CDH18: variants seen among roughly 807,000 people sequenced by gnomAD.
CDH18 encodes cadherin 18.
CDH18 carries 31 observed loss-of-function variants against 67.9 expected under a neutral mutation model. The observed-to-expected ratio is 0.46, with a 90% CI of 0.34 to 0.62. The LOEUF is 0.62. CDH18 is among the 20% of genes least tolerant of loss of function. The pLI is 0.01. For synonymous variants in CDH18, 362 were observed against 347.2 expected (o/e 1.04, Z -0.48); for missense variants, 890 against 975.5 (o/e 0.91, Z 1.17).
At chr5:19,867,335 G>A (rs1031262019) in intron 2 of CDH18, among the ~76,000 whole-genome samples, 1 of 151,938 alleles carries the variant, frequency 6.6e-6, no homozygotes, top group African/African-American at 2.4e-5. Flanking sequence ...CTGACATAAA[G>A]TTTATATTGA....
chr5:19,725,714 A>G (rs987401948), intron 4 of CDH18, among the ~76,000 whole-genome samples: 1 of 152,196 alleles, frequency 6.6e-6, no homozygotes, highest in Admixed American at 6.5e-5. Flanking sequence ...GATTGCGGTG[A>G]GCTGAGATCA....
At chr5:20,044,522 A>C (rs1311250211) in intron 2 of CDH18, among the ~76,000 whole-genome samples, 1 of 152,158 alleles carries the variant, frequency 6.6e-6, no homozygotes, top group African/African-American at 2.4e-5. Context: ...ATTTTAACCT[A>C]CAAAAAATTA....
chr5:19,991,648 C>T (rs1799982418), upstream of CDH18, among the ~76,000 whole-genome samples: 1 of 152,062 alleles, frequency 6.6e-6, no homozygotes, highest in Non-Finnish European at 1.5e-5. Flanking sequence ...GATCTCTATA[C>T]TATGAAAGAT....
intron 1 of CDH18, among the ~76,000 whole-genome samples, chr5:20,344,162 C>G (rs1178745137): frequency 6.6e-6 from 1 of 152,132 alleles, no homozygotes; most frequent in Non-Finnish European, 1.5e-5. Context: ...TTCTTAAAAT[C>G]CTTTATCAAT....
intron 2 of CDH18, among the ~76,000 whole-genome samples, chr5:20,197,876 T>C (rs1739108116): frequency 6.6e-6 from 1 of 152,226 alleles, no homozygotes; most frequent in African/African-American, 2.4e-5. Context: ...CTTTGAATTA[T>C]AATAATCCCC....
intron 2 of CDH18, among the ~76,000 whole-genome samples, chr5:20,224,856 T>C (rs1429517244): frequency 6.6e-6 from 1 of 152,186 alleles, no homozygotes; most frequent in African/African-American, 2.4e-5. Context: ...TAATATTATA[T>C]TGTGTCACAA....
At chr5:19,621,724 A>T (rs1750745363) in intron 5 of CDH18, among the ~76,000 whole-genome samples, 1 of 152,206 alleles carries the variant, frequency 6.6e-6, no homozygotes, top group Non-Finnish European at 1.5e-5. Context: ...TTAGATGTGC[A>T]AGATGAATAA....
intron 1 of CDH18, among the ~76,000 whole-genome samples, chr5:20,568,277 C>T (rs1353850519): frequency 6.6e-6 from 1 of 152,142 alleles, no homozygotes; most frequent in Admixed American, 6.5e-5. Context: ...CTTTTTCCCT[C>T]TATCAAAGGA....
chr5:19,515,045 A>G (rs546005196), intron 10 of CDH18, among the ~76,000 whole-genome samples: 195 of 152,318 alleles, frequency 1.3e-3, no homozygotes, highest in Admixed American at 1.7e-3. Context: ...GAAGGGATCC[A>G]GTTTCAGCTT....
intron 5 of CDH18, among the ~76,000 whole-genome samples, chr5:19,654,951 T>G (rs1405522168): frequency 6.6e-6 from 1 of 152,180 alleles, no homozygotes; most frequent in Non-Finnish European, 1.5e-5. Flanking sequence ...TGTGCTCATC[T>G]GTTCAACCAT....
chr5:20,481,701 A>G (rs1478915385), intron 1 of CDH18, among the ~76,000 whole-genome samples: 1 of 152,126 alleles, frequency 6.6e-6, no homozygotes, highest in Non-Finnish European at 1.5e-5. Flanking sequence ...CTCCTAAAAG[A>G]TTAGTGGGTC....
At chr5:20,182,587 A>G (rs1256317984) in intron 2 of CDH18, among the ~76,000 whole-genome samples, 5 of 135,052 alleles carry the variant, frequency 3.7e-5, no homozygotes, top group Non-Finnish European at 6.2e-5. Flanking sequence ...GGGCAACAAG[A>G]GCTAAATCTC....
intron 1 of CDH18, among the ~76,000 whole-genome samples, chr5:20,295,974 C>T (rs1196436947): frequency 2.1e-5 from 3 of 143,290 alleles, no homozygotes; most frequent in Admixed American, 7.3e-5. Context: ...CGGGTTCAAA[C>T]GATTCTCCTG....
intron 3 of CDH18, among the ~76,000 whole-genome samples, chr5:19,789,043 T>C (rs1180358497): frequency 6.6e-6 from 1 of 152,192 alleles, no homozygotes; most frequent in Non-Finnish European, 1.5e-5. Flanking sequence ...CTTCTCCACC[T>C]TTCTGTATTC....
At chr5:20,118,750 C>T (rs1360627354) in intron 2 of CDH18, among the ~76,000 whole-genome samples, 2 of 152,146 alleles carry the variant, frequency 1.3e-5, no homozygotes, top group Admixed American at 1.3e-4. Context: ...ACTGGCCCAG[C>T]CTGCCCAATA....
intron 5 of CDH18, among the ~76,000 whole-genome samples, chr5:19,695,403 A>C (rs539223533): frequency 6.6e-6 from 1 of 152,320 alleles, no homozygotes; most frequent in African/African-American, 2.4e-5. Flanking sequence ...TTAAGTATCA[A>C]CTTGCTACCC....
intron 2 of CDH18, among the ~76,000 whole-genome samples, chr5:20,247,802 T>C (rs1743501523): frequency 6.6e-6 from 1 of 151,182 alleles, no homozygotes; most frequent in Non-Finnish European, 1.5e-5. Context: ...ACGACAAGTC[T>C]AATAGTTCAA....
At chr5:20,137,442 T>G (rs1244603884) in intron 2 of CDH18, among the ~76,000 whole-genome samples, 2 of 152,164 alleles carry the variant, frequency 1.3e-5, no homozygotes, top group East Asian at 3.9e-4. Flanking sequence ...TCAGGTCATT[T>G]AAGGTCTTCT....
At chr5:19,798,926 T>C (rs1208528463) in intron 3 of CDH18, among the ~76,000 whole-genome samples, 1 of 152,110 alleles carries the variant, frequency 6.6e-6, no homozygotes, top group Non-Finnish European at 1.5e-5. Flanking sequence ...TAAATTAAGA[T>C]ACCTTTTTAA....
Sources: gnomAD v4.1 joint callset for allele counts (sites outside exome capture counted in the v4.1 genomes callset) on GRCh38, gnomAD v4.1.1 for gene constraint, MANE v1.5 for transcripts, NCBI Gene and HGNC (gene_info 2026-07-23, HGNC 2026-07-21) for gene names.